TUBB3: variants seen among roughly 807,000 people sequenced by gnomAD.
The protein encoded by TUBB3 is tubulin beta 3 class III.
TUBB3 carries 17 observed loss-of-function variants against 37.8 expected under a neutral mutation model. The observed-to-expected ratio is 0.45, with a 90% CI of 0.31 to 0.67. The LOEUF (loss-of-function observed/expected upper bound fraction) is 0.67. TUBB3 is among the 30% of genes least tolerant of loss of function. The pLI, the probability that TUBB3 is intolerant of heterozygous loss-of-function variation, is 0.07. For missense variants in TUBB3, 262 were observed against 657.9 expected, an observed-to-expected ratio of 0.40 and a Z score of 6.58; for synonymous variants, 332 against 278.9, an observed-to-expected ratio of 1.19 and a Z score of -1.90.
chr16:89,932,715 GGACTGACCAGGTCTCAGCGTCT>G lies in TUBB3; in HGVS notation c.166+55_166+76del, dbSNP rs762818086. 3.1e-4 allele frequency: 482 copies of G among 1,546,750 alleles called. 1 individual carries two copies. The highest frequency in any genetic ancestry group is 8.4e-4 in the Middle Eastern group (5 of 5,956). The stretch of plus-strand genomic sequence containing the variant: ...GCCCCAGCCTCCCTATCCCAGCCCT[GGACTGACCAGGTCTCAGCGTCT>G]GACTGACCAGGTCTCAGCACCTGGA... On this transcript the variant is annotated intron_variant, in intron 2 of 3. Coordinates refer to ENST00000315491, the MANE Select transcript of TUBB3 (RefSeq NM_006086.4).
intron 1 of TUBB3, among the ~76,000 whole-genome samples, chr16:89,923,830 G>A (rs1460539061): frequency 1.3e-5 from 2 of 152,296 alleles, no homozygotes; most frequent in East Asian, 3.9e-4. Context: ...GAGTGAGACG[G>A]GTGGGGTAGG....
intron 1 of TUBB3, chr16:89,931,800 G>T: frequency 2.8e-6 from 1 of 359,120 alleles, no homozygotes; most frequent in Non-Finnish European, 5.8e-6. Context: ...CCGCTCGGCA[G>T]CTGTCATGGG....
intron 1 of TUBB3, among the ~76,000 whole-genome samples, chr16:89,930,702 A>T (rs1459095854): frequency 6.6e-6 from 1 of 151,072 alleles, no homozygotes; most frequent in Non-Finnish European, 1.5e-5. Flanking sequence ...CCTGGCCTCT[A>T]TTTATTTATT....
rs1163879554 is a variant in TUBB3 at position 89,935,408 on chromosome 16, C to A, written c.957C>A (p.Gly319=). Residue 319 remains glycine (G), a synonymous_variant, in exon 4 of 4, where the codon GGC becomes GGA. Transcript: ENST00000315491. ...TGACGGTGGCCACCGTGTTCCGGGG[C>A]CGCATGTCCATGAAGGAGGTGGACG... The part of the protein sequence containing the change: ...RYLTVATVFR[G]RMSMKEVDEQ... 4 of 1,614,016 alleles carry A rather than the reference C, an allele frequency of 2.5e-6. No homozygotes were observed. Among genetic ancestry groups the A allele is most frequent in the Non-Finnish European group, 2.5e-6 (3 of 1,180,032 alleles).
At chr16:89,933,915 G>A (rs1313976074) in intron 3 of TUBB3, 3 of 635,996 alleles carry the variant, frequency 4.7e-6, no homozygotes, top group East Asian at 2.7e-5. Flanking sequence ...AGATCAGGAC[G>A]TTCCCATGCC....
chr16:89,925,115 G>A (rs1474197788), intron 1 of TUBB3, among the ~76,000 whole-genome samples: 3 of 152,180 alleles, frequency 2.0e-5, no homozygotes, highest in Admixed American at 6.5e-5. Context: ...GGATCTAGAA[G>A]TCAGGTGCAC....
At chr16:89,931,969 G>T in intron 1 of TUBB3, 1 of 300,888 alleles carries the variant, frequency 3.3e-6, no homozygotes, top group South Asian at 2.6e-5. Flanking sequence ...GGACCCCAAG[G>T]ACCCTTCTGC....
Position 89,932,693 on chromosome 16 carries a change from C to T in TUBB3, c.166+14C>T. 6.2e-7 allele frequency: 1 copy of T among 1,605,112 alleles called. No individual in the cohort carries two copies. The highest frequency in any genetic ancestry group is 8.5e-7 in the Non-Finnish European group (1 of 1,172,460). ...ACGAGGCCTCTTGTGAGTGCCTGCC[C>T]CAGCCTCCCTATCCCAGCCCTGGAC... is the stretch of plus-strand genomic sequence containing the variant. On this transcript the variant is annotated intron_variant, in intron 2 of 3. Transcript: ENST00000315491.
intron 1 of TUBB3, among the ~76,000 whole-genome samples, chr16:89,931,063 G>C (rs979274872): frequency 6.6e-6 from 1 of 151,936 alleles, no homozygotes; most frequent in African/African-American, 2.4e-5. Flanking sequence ...TCCTGACTTC[G>C]TGATCCACCC....
At position 89,935,888 on chromosome 16, in the gene TUBB3, C is replaced by T. The variant is rs144816077; in HGVS notation, c.*84C>T. ...TAAACCCCCGGAGCCATCTTGCTGC[C>T]GACACCCTGCTTTCCCCTCGCCCTA... is the stretch of plus-strand genomic sequence containing the variant. On this transcript the variant is annotated 3_prime_UTR_variant, in exon 4 of 4. Transcript: ENST00000315491. 2,400 of 1,483,470 alleles carry T rather than the reference C, an allele frequency of 1.6e-3. 4 individuals are homozygous for T. Among genetic ancestry groups the T allele is most frequent in the Admixed American group, 3.4e-3 (163 of 47,440 alleles). 91.9% of individuals were successfully genotyped at this position (1,483,470 alleles called of 1,614,324 possible). A position where few individuals can be genotyped will look rare whatever the true frequency, so the allele number is the denominator to read the frequency against.
At position 89,935,699 on chromosome 16, in the gene TUBB3, C is replaced by T. The variant is rs369375632; in HGVS notation, c.1248C>T (p.Asn416=). 40 of 1,613,798 alleles carry T rather than the reference C, an allele frequency of 2.5e-5. No homozygotes were observed. Among genetic ancestry groups the T allele is most frequent in the African/African-American group, 2.0e-4 (15 of 74,942 alleles). The change falls in exon 4 of 4, where the codon AAC becomes AAT. Residue 416 remains asparagine, a synonymous_variant. Coordinates refer to ENST00000315491, the MANE Select transcript of TUBB3 (RefSeq NM_006086.4). Reference sequence around the variant, plus strand: ...TCACCGAGGCCGAGAGCAACATGAACGACCTGGTGTCCGAGTACCAGCAGT... The same window carrying T: ...TCACCGAGGCCGAGAGCAACATGAATGACCTGGTGTCCGAGTACCAGCAGT... ...MEFTEAESNM[N]DLVSEYQQYQ... is the part of the protein sequence containing the mutation.
chr16:89,934,276 G>A (rs1299621413), intron 3 of TUBB3: 7 of 466,978 alleles, frequency 1.5e-5, no homozygotes, highest in Non-Finnish European at 3.0e-5. Context: ...CGGGGCCGTG[G>A]ACGCGCCACA....
intron 1 of TUBB3, among the ~76,000 whole-genome samples, chr16:89,929,154 G>C (rs1371071605): frequency 1.3e-5 from 2 of 151,936 alleles, no homozygotes; most frequent in African/African-American, 4.8e-5. Flanking sequence ...GTAGGGACAG[G>C]GTTTTGCCCT....
chr16:89,932,440 G>A, intron 1 of TUBB3, 131 bp from the exon 2 acceptor site: 2 of 731,462 alleles, frequency 2.7e-6, no homozygotes, highest in South Asian at 3.0e-5. Context: ...GCTCTCTTCT[G>A]AATGGGGCTC....
rs578076761 is a variant in TUBB3, at chr16:89,934,325, C to T, written c.278-404C>T. 845 of 481,234 alleles carry T rather than the reference C, an allele frequency of 1.8e-3. 2 individuals carry two copies. Among genetic ancestry groups the T allele is most frequent in the Non-Finnish European group, 2.5e-3 (612 of 244,058 alleles). The allele number at this position is 481,234 out of a possible 1,614,324, so 29.8% of individuals were successfully genotyped here. ...CTCGCTTCACTTCTGCCTTCCCGACCGCAGCACATCCAGCTGGTAGATGCC... is the reference window on the plus strand; with the variant it reads ...CTCGCTTCACTTCTGCCTTCCCGACTGCAGCACATCCAGCTGGTAGATGCC... On this transcript the variant is annotated intron_variant, in intron 3 of 3. Coordinates refer to ENST00000315491, the MANE Select transcript of TUBB3 (RefSeq NM_006086.4).
At chr16:89,934,704 T>G (rs749634736) in intron 3 of TUBB3, 25 bp from the exon 4 acceptor site, 13 of 1,611,872 alleles carry the variant, frequency 8.1e-6, no homozygotes, top group Non-Finnish European at 1.1e-5. Context: ...GGCCCCTGTC[T>G]CTTACCCCTC....
chr16:89,933,065 C>T (rs2030329964), intron 2 of TUBB3: 2 of 469,140 alleles, frequency 4.3e-6, no homozygotes, highest in Non-Finnish European at 8.0e-6. Context: ...TGGTGATACA[C>T]CCACCTGCCC....
upstream of TUBB3, among the ~76,000 whole-genome samples, chr16:89,923,112 C>T (rs2029942153): frequency 6.6e-6 from 1 of 152,104 alleles, no homozygotes; most frequent in African/African-American, 2.4e-5. Flanking sequence ...GAGACAGCCC[C>T]TCCTTTCGAA....
chr16:89,924,465 C>CGG (rs55665107), intron 1 of TUBB3, among the ~76,000 whole-genome samples: 110 of 140,932 alleles, frequency 7.8e-4, no homozygotes, highest in Middle Eastern at 4.2e-3. Flanking sequence ...AACAGGGGAT[C>CGG]GGGGGGGGAG....
Sources: allele counts gnomAD v4.1 joint callset (sites outside exome capture counted in the v4.1 genomes callset), GRCh38; gene constraint gnomAD v4.1.1; transcripts MANE v1.5; gene names NCBI Gene and HGNC (gene_info 2026-07-23, HGNC 2026-07-21).